The following GRM7 variants were observed in gnomAD, a reference collection of about 807,000 sequenced individuals.
GRM7 encodes glutamate metabotropic receptor 7.
A neutral mutation model predicts 84.5 loss-of-function variants in GRM7; 35 were observed. That is an observed-to-expected ratio of 0.41 (90% CI 0.32 to 0.55). The LOEUF is 0.55. Among genes scored for constraint, GRM7 ranks in the 20% least tolerant of loss-of-function variants. GRM7 has a pLI of 0.19. For synonymous variants in GRM7, 487 were observed against 455.1 expected (o/e 1.07, Z -0.89); for missense variants, 1,003 against 1,194.6 (o/e 0.84, Z 2.36).
chr3:7,403,592 G>A (rs977770747), intron 4 of GRM7, among the ~76,000 whole-genome samples: 6 of 143,728 alleles, frequency 4.2e-5, no homozygotes, highest in Non-Finnish European at 7.5e-5. Context: ...TTCCAAAGAC[G>A]TGAACATGTG....
At chr3:7,657,059 G>A (rs1309823183) in intron 8 of GRM7, among the ~76,000 whole-genome samples, 7 of 152,156 alleles carry the variant, frequency 4.6e-5, no homozygotes, top group Non-Finnish European at 1.5e-5. Context: ...GAAAATGAGT[G>A]CCAAGAGAAT....
At chr3:7,168,818 A>G (rs750388669) in intron 2 of GRM7, among the ~76,000 whole-genome samples, 27 of 152,172 alleles carry the variant, frequency 1.8e-4, no homozygotes, top group Non-Finnish European at 3.4e-4. Flanking sequence ...GTAATGGCCA[A>G]CTTCTCTATG....
intron 1 of GRM7, among the ~76,000 whole-genome samples, chr3:7,113,462 C>A (rs1042816712): frequency 2.0e-5 from 3 of 152,092 alleles, no homozygotes; most frequent in Admixed American, 1.3e-4. Flanking sequence ...ATTGCCCAGG[C>A]TGGTCTCCAA....
At chr3:7,536,250 T>C (rs575123882) in intron 7 of GRM7, among the ~76,000 whole-genome samples, 17 of 152,198 alleles carry the variant, frequency 1.1e-4, no homozygotes, top group Middle Eastern at 3.4e-3. Flanking sequence ...CCAGGAAGCA[T>C]GGTAAGATAA....
chr3:7,554,771 TTGATAG>T (rs1160507058), intron 7 of GRM7, among the ~76,000 whole-genome samples: 3 of 152,208 alleles, frequency 2.0e-5, no homozygotes, highest in African/African-American at 7.2e-5. Context: ...AATCAGCAGG[TTGATAG>T]CCATAAGGCA....
intron 6 of GRM7, among the ~76,000 whole-genome samples, chr3:7,459,238 G>T (rs947477334): frequency 5.9e-5 from 9 of 152,270 alleles, no homozygotes; most frequent in South Asian, 2.1e-4. Context: ...GGAGATCGGT[G>T]TCCACTCCCA....
chr3:6,894,085 A>C (rs1402565908), intron 1 of GRM7: 1 of 152,162 alleles, frequency 6.6e-6, no homozygotes, highest in Non-Finnish European at 1.5e-5. Flanking sequence ...TTCAACCACT[A>C]TACATTCCAT....
At chr3:7,454,103 C>T (rs76209325) in intron 6 of GRM7, among the ~76,000 whole-genome samples, 1 of 150,674 alleles carries the variant, frequency 6.6e-6, no homozygotes, top group South Asian at 2.1e-4. Flanking sequence ...CTCTCTCTCT[C>T]TCTCTCTCTC....
At chr3:7,625,111 A>G (rs1484594123) in intron 8 of GRM7, among the ~76,000 whole-genome samples, 1 of 152,182 alleles carries the variant, frequency 6.6e-6, no homozygotes, top group Non-Finnish European at 1.5e-5. Context: ...CTATGCAATG[A>G]CTGCTTAGCT....
intron 1 of GRM7, among the ~76,000 whole-genome samples, chr3:7,123,051 C>G (rs1449010621): frequency 6.6e-6 from 1 of 152,216 alleles, no homozygotes; most frequent in African/African-American, 2.4e-5. Flanking sequence ...ATTAGAATCA[C>G]TATAATCAGA....
At chr3:7,054,355 A>G (rs1047010924) in intron 1 of GRM7, among the ~76,000 whole-genome samples, 1 of 149,608 alleles carries the variant, frequency 6.7e-6, no homozygotes, top group East Asian at 2.0e-4. Context: ...TATATATGAT[A>G]TATGTATGAT....
chr3:7,613,444 C>T (rs775194116), intron 8 of GRM7, among the ~76,000 whole-genome samples: 1 of 152,088 alleles, frequency 6.6e-6, no homozygotes, highest in Non-Finnish European at 1.5e-5. Context: ...TTTTGATGAA[C>T]ACTCTAAATA....
At chr3:7,731,644 G>A (rs562308556) in intron 9 of GRM7, among the ~76,000 whole-genome samples, 1 of 152,304 alleles carries the variant, frequency 6.6e-6, no homozygotes, top group South Asian at 2.1e-4. Flanking sequence ...AGGAGGCTGA[G>A]TCCTGCTAAG....
Position 7,181,518 on chromosome 3 carries a change from G to A in GRM7, c.736+34850G>A, listed in dbSNP as rs1695336232. Among the ~76,000 whole-genome samples the A allele has an allele frequency of 3.3e-5, 5 of 152,158 alleles. No homozygotes were observed. The South Asian group carries it at 1.0e-3, about 32-fold the overall frequency. On this transcript the variant is annotated intron_variant, in intron 2 of 9. Coordinates refer to ENST00000357716, the MANE Select transcript of GRM7 (RefSeq NM_000844.4). ...GAAGGCAAATCTCTGTATTTTACAA[G>A]CTGTGACATTTATTAAAGAAGAAGT...
chr3:7,216,883 G>A (rs1400316539), intron 2 of GRM7, among the ~76,000 whole-genome samples: 1 of 151,912 alleles, frequency 6.6e-6, no homozygotes, highest in Non-Finnish European at 1.5e-5. Context: ...ACATGTTTGA[G>A]TGTATTTGTG....
Position 7,306,575 on chromosome 3 carries a change from A to C in GRM7, c.956A>C (p.Lys319Thr), listed in dbSNP as rs747312914. The change falls in exon 4 of 10, where the codon AAA becomes ACA. Residue 319 changes from lysine (K) to threonine (T), a missense_variant. Around this residue, in one of 2 missense-constraint regions of GRM7, gnomAD observed 910 missense variants for 1,126.0 expected, o/e 0.81. Transcript: ENST00000357716. ...GTGGGATCAGACAGCTGGGGATCCAAAATAAACCCACTGCACCAGCATGAA... is the reference window on the plus strand; with the variant it reads ...GTGGGATCAGACAGCTGGGGATCCACAATAAACCCACTGCACCAGCATGAA... ...LWVGSDSWGS[K>T]INPLHQHEDI... 1 of 1,613,906 alleles carries C rather than the reference A, an allele frequency of 6.2e-7. No individual in the cohort carries two copies. The highest frequency in any genetic ancestry group is 1.1e-5 in the South Asian group (1 of 91,074).
At chr3:7,604,665 T>C (rs965127404) in intron 8 of GRM7, among the ~76,000 whole-genome samples, 1 of 152,188 alleles carries the variant, frequency 6.6e-6, no homozygotes, top group African/African-American at 2.4e-5. Context: ...TCCTAAAATA[T>C]GATATACCAG....
At chr3:7,298,030 C>T (rs1260174840) in intron 2 of GRM7, among the ~76,000 whole-genome samples, 2 of 152,144 alleles carry the variant, frequency 1.3e-5, no homozygotes, top group Admixed American at 6.5e-5. Context: ...CTTTCCCTAA[C>T]ATAAAATGAG....
rs576391639 is a variant in GRM7 at position 7,339,785 on chromosome 3, A to AT, written c.1033+33141dup. 3.6e-4 allele frequency among the ~76,000 whole-genome samples: 55 copies of AT among 152,098 alleles called. 1 individual carries two copies. In the East Asian group the frequency reaches 9.1e-3, roughly 25 times the overall value. ...GGTGTTTGGAGGAATGAGCTTTGTGATTTTTTTTCCTAAATGGATGGTTGA... is the reference window on the plus strand; with the variant it reads ...GGTGTTTGGAGGAATGAGCTTTGTGATTTTTTTTTCCTAAATGGATGGTTGA... On this transcript the variant is annotated intron_variant, in intron 4 of 9. Transcript: ENST00000357716.
Sources: allele counts gnomAD v4.1 joint callset (sites outside exome capture counted in the v4.1 genomes callset), GRCh38; gene constraint gnomAD v4.1.1; regional missense constraint gnomAD v4.1.1; transcripts MANE v1.5; gene names NCBI Gene and HGNC (gene_info 2026-07-23, HGNC 2026-07-21).